NKAIN2: variants seen among roughly 807,000 people sequenced by gnomAD.
NKAIN2 encodes sodium/potassium transporting ATPase interacting 2.
In NKAIN2, 14 loss-of-function variants were observed where a neutral mutation model predicts 32.6. The observed-to-expected ratio is 0.43, with a 90% CI of 0.28 to 0.67. The LOEUF (loss-of-function observed/expected upper bound fraction) is 0.67. Among genes scored for constraint, NKAIN2 ranks in the 30% least tolerant of loss-of-function variants. The pLI, the probability that NKAIN2 is intolerant of heterozygous loss-of-function variation, is 0.17. For missense variants in NKAIN2, 198 were observed against 258.3 expected (o/e 0.77, Z 1.60); for synonymous variants, 80 against 87.2 (o/e 0.92, Z 0.46).
rs569445458 is a variant in NKAIN2, at chr6:124,723,400, T to A, written c.474+65014T>A. On this transcript the variant is annotated intron_variant, in intron 4 of 6. Coordinates refer to ENST00000368417, the MANE Select transcript of NKAIN2 (RefSeq NM_001040214.3). ...GGTGAGTATCACATATATAATGATATCTGCCTCACTGCTGCACTGGCAAAT... is the reference window on the plus strand; with the variant it reads ...GGTGAGTATCACATATATAATGATAACTGCCTCACTGCTGCACTGGCAAAT... Among the ~76,000 whole-genome samples, 239 of 149,794 alleles carry A rather than the reference T, an allele frequency of 1.6e-3. 1 individual carries two copies. The highest frequency in any genetic ancestry group is 5.5e-3 in the African/African-American group (225 of 40,780).
intron 3 of NKAIN2, among the ~76,000 whole-genome samples, chr6:124,501,483 G>C (rs1167812630): frequency 2.0e-5 from 3 of 152,146 alleles, no homozygotes; most frequent in Non-Finnish European, 4.4e-5. Flanking sequence ...CGGTGTTAAT[G>C]GATTTTGTAA....
At chr6:124,243,746 T>C (rs1408761565) in intron 1 of NKAIN2, among the ~76,000 whole-genome samples, 3 of 152,260 alleles carry the variant, frequency 2.0e-5, no homozygotes, top group Middle Eastern at 3.4e-3. Context: ...TCCTAGATCA[T>C]TGGATAAGCT....
chr6:124,491,535 A>G (rs1032815327), intron 3 of NKAIN2, among the ~76,000 whole-genome samples: 2 of 151,876 alleles, frequency 1.3e-5, no homozygotes, highest in Non-Finnish European at 2.9e-5. Context: ...ATTTTTAAAG[A>G]GCAATTTGGA....
intron 1 of NKAIN2, among the ~76,000 whole-genome samples, chr6:124,097,113 A>G (rs953702511): frequency 9.2e-5 from 14 of 152,232 alleles, no homozygotes; most frequent in African/African-American, 3.1e-4. Flanking sequence ...CAGTAGAATT[A>G]GTTTTTATTT....
chr6:124,257,053 T>C (rs544400676), intron 1 of NKAIN2, among the ~76,000 whole-genome samples: 8 of 152,226 alleles, frequency 5.3e-5, no homozygotes, highest in African/African-American at 1.7e-4. Flanking sequence ...GGTTTTGTTT[T>C]TTGTTTTTGT....
intron 1 of NKAIN2, among the ~76,000 whole-genome samples, chr6:124,267,478 C>T (rs576670497): frequency 8.6e-4 from 94 of 109,252 alleles, no homozygotes; most frequent in African/African-American, 3.9e-3. Context: ...AAAACCATGT[C>T]TCTAAAAAAA....
intron 4 of NKAIN2, among the ~76,000 whole-genome samples, chr6:124,764,083 A>G (rs1308145178): frequency 2.6e-5 from 4 of 152,190 alleles, no homozygotes; most frequent in African/African-American, 7.2e-5. Flanking sequence ...TTAGATATCT[A>G]TGAACTTATT....
chr6:124,586,190 T>C (rs538684366), intron 3 of NKAIN2, among the ~76,000 whole-genome samples: 5 of 152,290 alleles, frequency 3.3e-5, no homozygotes, highest in Middle Eastern at 3.4e-3. Flanking sequence ...TTCCAGAATG[T>C]CATATAAATA....
At chr6:124,104,682 G>A (rs1401268631) in intron 1 of NKAIN2, among the ~76,000 whole-genome samples, 1 of 152,206 alleles carries the variant, frequency 6.6e-6, no homozygotes, top group Non-Finnish European at 1.5e-5. Context: ...GGAGATTCAT[G>A]AATGCATATA....
chr6:124,341,073 T>C (rs1319018660), intron 2 of NKAIN2, among the ~76,000 whole-genome samples: 2 of 152,306 alleles, frequency 1.3e-5, no homozygotes, highest in East Asian at 1.9e-4. Flanking sequence ...TGTTCTAACA[T>C]TGATAGTCTG....
intron 5 of NKAIN2, among the ~76,000 whole-genome samples, chr6:124,795,170 AG>A (rs2114816694): frequency 6.6e-6 from 1 of 152,302 alleles, no homozygotes; most frequent in South Asian, 2.1e-4. Flanking sequence ...GAGCCTTATG[AG>A]GAACAGCGGA....
chr6:124,219,926 C>CA (rs575703355), intron 1 of NKAIN2, among the ~76,000 whole-genome samples: 60 of 152,002 alleles, frequency 3.9e-4, no homozygotes, highest in Non-Finnish European at 5.9e-5. Flanking sequence ...TAAAGGAATG[C>CA]AAAAAAATAC....
At chr6:124,375,853 C>T (rs1016689541) in intron 3 of NKAIN2, among the ~76,000 whole-genome samples, 1 of 152,054 alleles carries the variant, frequency 6.6e-6, no homozygotes, top group African/African-American at 2.4e-5. Context: ...TATCAAGAAC[C>T]TAATGGCTCA....
At chr6:123,891,287 A>G (rs1298404435) in intron 1 of NKAIN2, among the ~76,000 whole-genome samples, 1 of 152,176 alleles carries the variant, frequency 6.6e-6, no homozygotes, top group Non-Finnish European at 1.5e-5. Flanking sequence ...AACACTGTGA[A>G]TGTACTTACT....
At chr6:124,220,537 G>GTATATA (rs3055327) in intron 1 of NKAIN2, among the ~76,000 whole-genome samples, 7,457 of 147,930 alleles carry the variant, frequency 0.05, 351 homozygotes, top group African/African-American at 0.13. Flanking sequence ...ACATACATAT[G>GTATATA]TATATATATA....
chr6:124,683,946 C>A (rs1245340756), intron 4 of NKAIN2, among the ~76,000 whole-genome samples: 1 of 152,168 alleles, frequency 6.6e-6, no homozygotes, highest in East Asian at 1.9e-4. Flanking sequence ...AGAACAGGTT[C>A]TTTACATGTG....
intron 1 of NKAIN2, among the ~76,000 whole-genome samples, chr6:124,024,950 G>A (rs1266838146): frequency 1.3e-5 from 2 of 151,068 alleles, no homozygotes; most frequent in East Asian, 3.9e-4. Context: ...TGGCGCCACT[G>A]CTCCAGCCTG....
At chr6:123,971,994 G>GT (rs1185903538) in intron 1 of NKAIN2, among the ~76,000 whole-genome samples, 2 of 152,092 alleles carry the variant, frequency 1.3e-5, no homozygotes, top group African/African-American at 4.8e-5. Context: ...CCCTGAAACA[G>GT]TAAGACCAAG....
intron 5 of NKAIN2, among the ~76,000 whole-genome samples, chr6:124,815,479 A>G (rs1303716500): frequency 1.3e-5 from 2 of 151,936 alleles, no homozygotes; most frequent in African/African-American, 4.8e-5. Flanking sequence ...CATGTTGGCC[A>G]GGCTGGTCTT....
Sources: allele counts gnomAD v4.1 joint callset (sites outside exome capture counted in the v4.1 genomes callset), GRCh38; gene constraint gnomAD v4.1.1; transcripts MANE v1.5; gene names NCBI Gene and HGNC (gene_info 2026-07-23, HGNC 2026-07-21).